The following ZNF536 variants were observed in gnomAD, a reference collection of about 807,000 sequenced individuals.
ZNF536 encodes zinc finger protein 536.
ZNF536 carries 13 observed loss-of-function variants against 84.5 expected under a neutral mutation model. That is an observed-to-expected ratio of 0.15 (90% CI 0.10 to 0.24). ZNF536 has a LOEUF of 0.24. Among genes scored for constraint, ZNF536 ranks in the 10% least tolerant of loss-of-function variants. ZNF536 has a pLI of 1.00. For synonymous variants in ZNF536, 811 were observed against 742.5 expected (o/e 1.09, Z -1.50); for missense variants, 1,536 against 1,747.5 (o/e 0.88, Z 2.16).
At chr19:30,605,435 G>A (rs2047836260) in intron 1 of ZNF536, among the ~76,000 whole-genome samples, 1 of 152,034 alleles carries the variant, frequency 6.6e-6, no homozygotes, top group South Asian at 2.1e-4. Context: ...AGAACATACA[G>A]TATTTGGTTT....
intron 1 of ZNF536, among the ~76,000 whole-genome samples, chr19:30,238,321 A>G (rs1019605641): frequency 6.6e-6 from 1 of 151,894 alleles, no homozygotes; most frequent in African/African-American, 2.4e-5. Context: ...TATGTATCTG[A>G]AGATGCATTT....
intron 1 of ZNF536, among the ~76,000 whole-genome samples, chr19:30,650,714 C>G (rs2049668702): frequency 1.3e-5 from 2 of 152,206 alleles, no homozygotes; most frequent in African/African-American, 4.8e-5. Flanking sequence ...GGTAAATCCT[C>G]CATCCAAACA....
At chr19:30,517,662 G>C (rs1003124018) in intron 2 of ZNF536, among the ~76,000 whole-genome samples, 2 of 151,980 alleles carry the variant, frequency 1.3e-5, no homozygotes, top group East Asian at 1.9e-4. Context: ...CGGTGCATAC[G>C]CCCCAGCTAC....
In ZNF536 at chr19:30,415,284, CCTT is replaced by C. The variant is rs527266201; in HGVS notation, c.-2-28256_-2-28254del. Among the ~76,000 whole-genome samples, 836 of 120,172 alleles carry C rather than the reference CCTT, an allele frequency of 7.0e-3. 12 individuals carry two copies. The highest frequency in any genetic ancestry group is 0.02 in the African/African-American group (591 of 29,980). 78.8% of individuals were successfully genotyped at this position (120,172 alleles called of 152,430 possible). On this transcript the variant is annotated intron_variant, in intron 1 of 4. Coordinates refer to ENST00000355537, the MANE Select transcript of ZNF536 (RefSeq NM_014717.3). ...TTCTCCTCCTCCTGCTCCTCCTCCT[CCTT>C]CTTCTTCTTCTTCTTCTTCTCCTTC...
intron 1 of ZNF536, among the ~76,000 whole-genome samples, chr19:30,654,658 T>C (rs2049837350): frequency 1.3e-5 from 2 of 152,090 alleles, no homozygotes; most frequent in Non-Finnish European, 2.9e-5. Context: ...AACCGGGCGA[T>C]TGTTGCTGTA....
At chr19:30,361,008 C>T (rs768077541) in intron 3 of ZNF536, among the ~76,000 whole-genome samples, 4 of 152,228 alleles carry the variant, frequency 2.6e-5, no homozygotes, top group Admixed American at 2.6e-4. Flanking sequence ...CCCTTTCAGT[C>T]TCTGTTGATT....
intron 1 of ZNF536, among the ~76,000 whole-genome samples, chr19:30,581,396 G>A (rs1047134821): frequency 6.6e-6 from 1 of 152,144 alleles, no homozygotes; most frequent in Admixed American, 6.5e-5. Context: ...AGAATCACTT[G>A]AACCCGGGAG....
chr19:30,700,411 A>T (rs1285611615), intron 1 of ZNF536, among the ~76,000 whole-genome samples: 1 of 130,572 alleles, frequency 7.7e-6, no homozygotes, highest in African/African-American at 3.0e-5. Context: ...TCTCTTTTTC[A>T]GAGTCTTGCT....
intron 1 of ZNF536, among the ~76,000 whole-genome samples, chr19:30,635,500 T>C (rs2049034130): frequency 6.6e-6 from 1 of 152,148 alleles, no homozygotes; most frequent in Admixed American, 6.5e-5. Context: ...CAAGGCACTC[T>C]CTTGTCCCAC....
At chr19:30,580,799 C>A (rs1282354907) in intron 1 of ZNF536, among the ~76,000 whole-genome samples, 2 of 152,188 alleles carry the variant, frequency 1.3e-5, no homozygotes, top group Non-Finnish European at 2.9e-5. Context: ...GTGGTCAGAG[C>A]AACTCCAGCT....
intron 2 of ZNF536, among the ~76,000 whole-genome samples, chr19:30,322,323 T>C (rs889548815): frequency 6.6e-6 from 1 of 152,226 alleles, no homozygotes; most frequent in African/African-American, 2.4e-5. Flanking sequence ...ACTATGATGA[T>C]CATCTTTGTA....
chr19:30,666,968 T>C (rs2050347690), intron 1 of ZNF536, among the ~76,000 whole-genome samples: 1 of 152,092 alleles, frequency 6.6e-6, no homozygotes, highest in Admixed American at 6.6e-5. Context: ...CCTGGGCTCA[T>C]GTCTCCTGGG....
chr19:30,470,020 G>A (rs892082030), intron 2 of ZNF536, among the ~76,000 whole-genome samples: 2 of 152,240 alleles, frequency 1.3e-5, no homozygotes, highest in African/African-American at 4.8e-5. Context: ...CAAAGTGTAC[G>A]AGTTAGAGTC....
chr19:30,558,709 C>T (rs1267197346), downstream of ZNF536, among the ~76,000 whole-genome samples: 4 of 152,056 alleles, frequency 2.6e-5, no homozygotes, highest in Admixed American at 6.5e-5. Context: ...TTTTGTGGTC[C>T]GTGAGCTGGA....
At chr19:30,393,883 T>C (rs1325952516) in intron 1 of ZNF536, among the ~76,000 whole-genome samples, 1 of 152,084 alleles carries the variant, frequency 6.6e-6, no homozygotes, top group Non-Finnish European at 1.5e-5. Context: ...TAAGGGGCAA[T>C]GTGGGCAGAA....
intron 4 of ZNF536, among the ~76,000 whole-genome samples, chr19:30,553,695 C>T (rs544442020): frequency 6.6e-5 from 10 of 152,168 alleles, no homozygotes; most frequent in African/African-American, 9.6e-5. Flanking sequence ...GCAGGCACTG[C>T]GGCTCACACC....
intron 1 of ZNF536, among the ~76,000 whole-genome samples, chr19:30,593,313 C>T (rs1004628704): frequency 1.3e-5 from 2 of 152,138 alleles, no homozygotes; most frequent in Non-Finnish European, 2.9e-5. Flanking sequence ...AGGGAGGAAC[C>T]TCATGAGGCT....
intron 1 of ZNF536, among the ~76,000 whole-genome samples, chr19:30,590,408 G>T (rs2047235169): frequency 6.6e-6 from 1 of 152,160 alleles, no homozygotes; most frequent in Non-Finnish European, 1.5e-5. Context: ...AAGGAGAGTG[G>T]GTGACATGCA....
At position 30,384,124 on chromosome 19, in the gene ZNF536, C is replaced by A. The variant is rs1437539874; in HGVS notation, c.-3+11568C>A. 6.0e-4 allele frequency among the ~76,000 whole-genome samples: 41 copies of A among 68,270 alleles called. 1 individual carries two copies. The highest frequency in any genetic ancestry group is 1.1e-3 in the Non-Finnish European group (37 of 34,392). 44.8% of individuals were successfully genotyped at this position (68,270 alleles called of 152,430 possible). On this transcript the variant is annotated intron_variant, in intron 1 of 4. Transcript: ENST00000355537. ...TCTTTCTTTCTTTCTTTCTTTCTTT[C>A]TTTCTTTCTTTCTTTCTTTCTTTCT...
Sources: gnomAD v4.1 joint callset for allele counts (sites outside exome capture counted in the v4.1 genomes callset) on GRCh38, gnomAD v4.1.1 for gene constraint, MANE v1.5 for transcripts, NCBI Gene and HGNC (gene_info 2026-07-23, HGNC 2026-07-21) for gene names.